Variants in TMPRSS4 observed in about 807,000 individuals in gnomAD.
The protein encoded by TMPRSS4 is transmembrane serine protease 4.
TMPRSS4 carries 45 observed loss-of-function variants against 56.4 expected under a neutral mutation model. That is an observed-to-expected ratio of 0.80 (90% CI 0.63 to 1.02). The LOEUF (loss-of-function observed/expected upper bound fraction) is 1.02. TMPRSS4 is among the 50% of genes least tolerant of loss of function. The pLI is 0.00. For synonymous variants in TMPRSS4, 205 were observed against 211.0 expected (o/e 0.97, Z 0.25); for missense variants, 546 against 556.7 (o/e 0.98, Z 0.19).
chr11:118,107,468 G>A (rs1947050282), intron 5 of TMPRSS4: 1 of 239,638 alleles, frequency 4.2e-6, no homozygotes, highest in Non-Finnish European at 8.1e-6. Context: ...ACAGAGCTGG[G>A]AATATGGAAA....
At chr11:118,114,724 C>T in intron 9 of TMPRSS4, 105 bp from the exon 10 acceptor site, 1 of 1,263,714 alleles carries the variant, frequency 7.9e-7, no homozygotes. Context: ...AACCCAGTCT[C>T]TCCCAGACCA....
chr11:118,115,415 G>C, intron 11 of TMPRSS4, 135 bp downstream of exon 11: 2 of 1,106,028 alleles, frequency 1.8e-6, no homozygotes, highest in Non-Finnish European at 2.5e-6. Flanking sequence ...ATGGGAGGAA[G>C]AGAGGGAGGG....
In TMPRSS4 at chr11:118,120,572, A is replaced by G. The variant is rs929161349; in HGVS notation, c.*2659A>G. 1.4e-5 allele frequency: 2 copies of G among 139,294 alleles called. No homozygotes were observed. Among genetic ancestry groups the G allele is most frequent in the East Asian group, 4.1e-4 (2 of 4,908 alleles). 8.6% of individuals were successfully genotyped at this position (139,294 alleles called of 1,614,324 possible). ...AATACAGCTTTTAGAAATAAAAACTATAATTATAAAAATAAAAAACTAAGT... is the reference window on the plus strand; with the variant it reads ...AATACAGCTTTTAGAAATAAAAACTGTAATTATAAAAATAAAAAACTAAGT... On this transcript the variant is annotated 3_prime_UTR_variant, in exon 13 of 13. Coordinates refer to ENST00000437212, the MANE Select transcript of TMPRSS4 (RefSeq NM_019894.4).
At chr11:118,089,742 C>T (rs1945819082) in intron 1 of TMPRSS4, among the ~76,000 whole-genome samples, 1 of 152,200 alleles carries the variant, frequency 6.6e-6, no homozygotes. Context: ...GTAAGTTCTT[C>T]CCAAACCCCA....
rs114634218 is a variant in TMPRSS4 at position 118,081,393 on chromosome 11, A to T, written c.3+4088A>T. ...TGTGACACGTCTAACGCCACCTCCCAGCCTGCCACTCTGACTAACCAGCAC... is the reference window on the plus strand; with the variant it reads ...TGTGACACGTCTAACGCCACCTCCCTGCCTGCCACTCTGACTAACCAGCAC... On this transcript the variant is annotated intron_variant, in intron 1 of 12. Coordinates refer to ENST00000437212, the MANE Select transcript of TMPRSS4 (RefSeq NM_019894.4). 6.1e-3 allele frequency among the ~76,000 whole-genome samples: 923 copies of T among 152,316 alleles called. 12 individuals carry two copies. The highest frequency in any genetic ancestry group is 0.021 in the African/African-American group (877 of 41,570).
At chr11:118,096,557 G>T (rs1457826989) in intron 2 of TMPRSS4, among the ~76,000 whole-genome samples, 1 of 152,110 alleles carries the variant, frequency 6.6e-6, no homozygotes, top group East Asian at 1.9e-4. Flanking sequence ...GCCAAGGTGG[G>T]GGTGGATCAC....
At chr11:118,085,934 G>A (rs1172053828) in intron 1 of TMPRSS4, among the ~76,000 whole-genome samples, 1 of 152,176 alleles carries the variant, frequency 6.6e-6, no homozygotes, top group Non-Finnish European at 1.5e-5. Flanking sequence ...CAGAAAGGTG[G>A]GAGAGAATGG....
At chr11:118,106,511 G>A (rs1388762035) in intron 5 of TMPRSS4, 1 of 146,552 alleles carries the variant, frequency 6.8e-6, no homozygotes, top group Admixed American at 6.9e-5. Flanking sequence ...TTTTGACAGA[G>A]TCTCACTCTG....
intron 8 of TMPRSS4, among the ~76,000 whole-genome samples, 182 bp from the exon 9 acceptor site, chr11:118,113,087 G>A (rs987257695): frequency 7.9e-5 from 12 of 151,684 alleles, no homozygotes; most frequent in East Asian, 3.9e-4. Flanking sequence ...TCCCTTTTTC[G>A]AATTTGACTT....
At chr11:118,093,380 C>A (rs1028499042) in intron 1 of TMPRSS4, among the ~76,000 whole-genome samples, 7 of 152,216 alleles carry the variant, frequency 4.6e-5, no homozygotes, top group Non-Finnish European at 8.8e-5. Flanking sequence ...TGGGTCATGA[C>A]CTCAGCACAA....
chr11:118,111,877 C>T lies in TMPRSS4; in HGVS notation c.720C>T (p.Val240=), dbSNP rs1565438099. The change falls in exon 8 of 13, where the codon GTC becomes GTT. Residue 240 remains valine (V), a synonymous_variant. Coordinates refer to ENST00000437212, the MANE Select transcript of TMPRSS4 (RefSeq NM_019894.4). ...CGGSILDPHW[V]LTAAHCFRKH... is the part of the protein sequence containing the mutation. The stretch of plus-strand genomic sequence containing the variant: ...GGAGCATCCTGGACCCCCACTGGGT[C>T]CTCACGGCAGCCCACTGCTTCAGGT... 2 of 1,609,114 alleles carry T rather than the reference C, an allele frequency of 1.2e-6. No homozygotes were observed. Among genetic ancestry groups the T allele is most frequent in the Non-Finnish European group, 1.7e-6 (2 of 1,177,960 alleles).
intron 1 of TMPRSS4, among the ~76,000 whole-genome samples, chr11:118,088,906 A>G (rs1179756914): frequency 6.6e-6 from 1 of 152,192 alleles, no homozygotes; most frequent in Admixed American, 6.5e-5. Context: ...TCTGAAAATA[A>G]GGAAGTTGCC....
At chr11:118,097,463 C>T (rs930971348) in intron 2 of TMPRSS4, among the ~76,000 whole-genome samples, 5 of 152,034 alleles carry the variant, frequency 3.3e-5, no homozygotes, top group Admixed American at 6.6e-5. Context: ...GTAGGAGAGC[C>T]GGTCCGTTGC....
rs1946569680 is a variant in TMPRSS4 at position 118,098,992 on chromosome 11, A to G, written c.51A>G (p.Lys17=). ...CCTCCCATTTTCTTGCAGATGTCAAACCCCTGCGCAAACCCCGTATCCCCA... is the reference window on the plus strand; with the variant it reads ...CCTCCCATTTTCTTGCAGATGTCAAGCCCCTGCGCAAACCCCGTATCCCCA... ...SDQPLNSLDV[K]PLRKPRIPME... Residue 17 remains lysine (K), a synonymous_variant, in exon 3 of 13, where the codon AAA becomes AAG. Transcript: ENST00000437212. 6.2e-7 allele frequency: 1 copy of G among 1,612,190 alleles called. No homozygotes were observed. The highest frequency in any genetic ancestry group is 8.5e-7 in the Non-Finnish European group (1 of 1,178,984).
chr11:118,103,836 T>C (rs926095027), intron 4 of TMPRSS4, among the ~76,000 whole-genome samples: 16 of 152,210 alleles, frequency 1.1e-4, no homozygotes, highest in African/African-American at 3.1e-4. Context: ...GCCTGGTGGA[T>C]TTCAGGCAGA....
Position 118,117,886 on chromosome 11 carries a change from G to A in TMPRSS4, c.1303-16G>A, listed in dbSNP as rs752993112. ...AGATAATCTGACTTTCTCTTCATCG[G>A]TCTCTCTTATTCTAGGCTGAGCTGT... On this transcript the variant is annotated splice_polypyrimidine_tract_variant and intron_variant, in intron 12 of 12. Coordinates refer to ENST00000437212, the MANE Select transcript of TMPRSS4 (RefSeq NM_019894.4). 1 of 1,613,872 alleles carries A rather than the reference G, an allele frequency of 6.2e-7. No homozygotes were observed. Among genetic ancestry groups the A allele is most frequent in the South Asian group, 1.1e-5 (1 of 91,070 alleles).
chr11:118,117,184 G>A (rs1262858781), intron 11 of TMPRSS4, 121 bp from the exon 12 acceptor site: 6 of 971,998 alleles, frequency 6.2e-6, no homozygotes, highest in South Asian at 1.4e-5. Flanking sequence ...GGGTGAGGGT[G>A]GAATATCGGA....
At chr11:118,113,094 A>G (rs1207593267) in intron 8 of TMPRSS4, among the ~76,000 whole-genome samples, 175 bp from the exon 9 acceptor site, 2 of 151,568 alleles carry the variant, frequency 1.3e-5, no homozygotes, top group African/African-American at 4.9e-5. Context: ...TTCGAATTTG[A>G]CTTCTTGTAA....
chr11:118,089,023 T>G (rs1218434296), intron 1 of TMPRSS4, among the ~76,000 whole-genome samples: 1 of 152,122 alleles, frequency 6.6e-6, no homozygotes, highest in Non-Finnish European at 1.5e-5. Context: ...AGACCCATTC[T>G]CTCCTTTCCT....
Sources: allele counts gnomAD v4.1 joint callset (sites outside exome capture counted in the v4.1 genomes callset), GRCh38; gene constraint gnomAD v4.1.1; transcripts MANE v1.5; gene names NCBI Gene and HGNC (gene_info 2026-07-23, HGNC 2026-07-21).